Variants in ANAPC10 observed in about 807,000 individuals in gnomAD.
The protein encoded by ANAPC10 is anaphase-promoting complex subunit 10.
ANAPC10 carries 12 observed loss-of-function variants against 22.0 expected under a neutral mutation model. That is an observed-to-expected ratio of 0.55 (90% CI 0.35 to 0.88). The LOEUF (loss-of-function observed/expected upper bound fraction) is 0.88. Among genes scored for constraint, ANAPC10 ranks in the 40% least tolerant of loss-of-function variants. The pLI is 0.01. For missense variants in ANAPC10, 188 were observed against 220.9 expected, an observed-to-expected ratio of 0.85 and a Z score of 0.94; for synonymous variants, 65 against 69.5, an observed-to-expected ratio of 0.94 and a Z score of 0.32.
In ANAPC10 at chr4:144,995,214, T is replaced by C. The variant is rs781517806; in HGVS notation, c.*159A>G. The C allele has an allele frequency of 1.3e-5, 6 of 451,258 alleles. No individual in the cohort carries two copies. The highest frequency in any genetic ancestry group is 2.3e-5 in the Non-Finnish European group (6 of 261,846). 28.0% of individuals were successfully genotyped at this position (451,258 alleles called of 1,614,324 possible). ...TACATGTTAAAGAAAATAAAGATAA[T>C]ATGACCCCAAATTTATTTGTCAAAG... On this transcript the variant is annotated 3_prime_UTR_variant, in exon 5 of 5. Coordinates refer to ENST00000507656, the MANE Select transcript of ANAPC10 (RefSeq NM_001256706.2).
intron 4 of ANAPC10, among the ~76,000 whole-genome samples, chr4:145,015,856 A>C (rs1421516077): frequency 2.0e-5 from 3 of 152,198 alleles, no homozygotes; most frequent in Non-Finnish European, 2.9e-5. Context: ...TATGAAGGAA[A>C]GATACAGTGT....
chr4:145,084,469 G>C (rs1409922810), intron 2 of ANAPC10, among the ~76,000 whole-genome samples: 1 of 152,104 alleles, frequency 6.6e-6, no homozygotes, highest in Admixed American at 6.5e-5. Context: ...AAAGGAGCCA[G>C]ATCACACAGA....
chr4:145,077,109 G>C (rs1357673465), intron 3 of ANAPC10, among the ~76,000 whole-genome samples: 1 of 152,196 alleles, frequency 6.6e-6, no homozygotes, highest in Non-Finnish European at 1.5e-5. Flanking sequence ...TGAGGCAGGA[G>C]AATGGCGTGA....
At chr4:145,036,813 C>T (rs1485501332) in intron 4 of ANAPC10, among the ~76,000 whole-genome samples, 1 of 152,048 alleles carries the variant, frequency 6.6e-6, no homozygotes, top group African/African-American at 2.4e-5. Flanking sequence ...TAAACTACTT[C>T]GAGTTCAAAA....
chr4:145,055,882 T>C (rs1741993506), intron 4 of ANAPC10, among the ~76,000 whole-genome samples: 1 of 152,286 alleles, frequency 6.6e-6, no homozygotes, highest in South Asian at 2.1e-4. Context: ...ACTAACTACA[T>C]AAAAAATGGT....
intron 4 of ANAPC10, among the ~76,000 whole-genome samples, chr4:145,015,655 A>G (rs933694558): frequency 1.1e-4 from 16 of 152,190 alleles, no homozygotes; most frequent in Admixed American, 2.0e-4. Context: ...TGTAAAGTTA[A>G]GACAAAGGAA....
intron 2 of ANAPC10, among the ~76,000 whole-genome samples, chr4:145,081,991 T>C (rs1388671483): frequency 6.6e-6 from 1 of 152,118 alleles, no homozygotes; most frequent in East Asian, 1.9e-4. Context: ...ATTACAGGCA[T>C]AAGCCATAGC....
At position 145,072,898 on chromosome 4, in the gene ANAPC10, GT is replaced by G. The variant is rs142772988; in HGVS notation, c.207-8207del. Among the ~76,000 whole-genome samples, 893 of 136,338 alleles carry G rather than the reference GT, an allele frequency of 6.5e-3. 1 individual carries two copies. Among genetic ancestry groups the G allele is most frequent in the Non-Finnish European group, 7.1e-3 (443 of 62,246 alleles). 89.4% of individuals were successfully genotyped at this position (136,338 alleles called of 152,430 possible). On this transcript the variant is annotated intron_variant, in intron 3 of 4. Transcript: ENST00000507656. ...TAAGCCTAGTATCTATTACGTATCT[GT>G]TTTTTTTTTTTTTTAGGAGACAGGG...
intron 2 of ANAPC10, among the ~76,000 whole-genome samples, chr4:145,087,547 A>G (rs1307298193): frequency 6.6e-6 from 1 of 151,434 alleles, no homozygotes; most frequent in Non-Finnish European, 1.5e-5. Context: ...GTTCATCCAT[A>G]TCATGCACTA....
chr4:145,029,428 AGT>A (rs1737221854), intron 4 of ANAPC10, among the ~76,000 whole-genome samples: 1 of 152,142 alleles, frequency 6.6e-6, no homozygotes, highest in African/African-American at 2.4e-5. Context: ...TGAAGTTGAG[AGT>A]GTGATCCATG....
intron 4 of ANAPC10, among the ~76,000 whole-genome samples, chr4:145,048,045 C>T (rs1444241879): frequency 6.6e-6 from 1 of 152,132 alleles, no homozygotes; most frequent in Non-Finnish European, 1.5e-5. Flanking sequence ...ATTATCTTCT[C>T]TAAGATCACA....
At chr4:145,077,632 G>C (rs557813892) in intron 3 of ANAPC10, among the ~76,000 whole-genome samples, 41 of 152,136 alleles carry the variant, frequency 2.7e-4, no homozygotes, top group Non-Finnish European at 4.6e-4. Flanking sequence ...TAACATACTA[G>C]CAAACTGAAA....
chr4:145,079,558 A>T (rs1487734187), intron 3 of ANAPC10, among the ~76,000 whole-genome samples: 1 of 152,220 alleles, frequency 6.6e-6, no homozygotes. Flanking sequence ...AAATCATTTC[A>T]CCATAAGACA....
At chr4:145,071,722 G>C (rs913183877) in intron 3 of ANAPC10, among the ~76,000 whole-genome samples, 7 of 152,040 alleles carry the variant, frequency 4.6e-5, no homozygotes, top group Non-Finnish European at 8.8e-5. Flanking sequence ...CAGGAAGCTG[G>C]AGGTACTACC....
At chr4:145,045,923 T>C (rs1345250095) in intron 4 of ANAPC10, among the ~76,000 whole-genome samples, 1 of 152,156 alleles carries the variant, frequency 6.6e-6, no homozygotes, top group Non-Finnish European at 1.5e-5. Context: ...TCTGATCTAA[T>C]AAGCCAACTT....
chr4:145,030,041 G>C (rs1258920405), intron 4 of ANAPC10, among the ~76,000 whole-genome samples: 1 of 152,172 alleles, frequency 6.6e-6, no homozygotes, highest in South Asian at 2.1e-4. Flanking sequence ...AGGCAAGGTA[G>C]GCATAGCTAC....
chr4:145,082,004 C>A (rs1053032229), intron 2 of ANAPC10, among the ~76,000 whole-genome samples: 1 of 152,066 alleles, frequency 6.6e-6, no homozygotes, highest in East Asian at 1.9e-4. Flanking sequence ...GCCATAGCAC[C>A]CAGCTGTGAA....
intron 4 of ANAPC10, among the ~76,000 whole-genome samples, chr4:145,045,603 A>G (rs1740177297): frequency 6.6e-6 from 1 of 152,156 alleles, no homozygotes; most frequent in Non-Finnish European, 1.5e-5. Flanking sequence ...TTACTAAGAT[A>G]CAATACTCCA....
At chr4:145,008,673 T>C (rs1463146042) in intron 4 of ANAPC10, among the ~76,000 whole-genome samples, 1 of 152,178 alleles carries the variant, frequency 6.6e-6, no homozygotes, top group African/African-American at 2.4e-5. Flanking sequence ...AAACTAGGAA[T>C]TGATGGGACG....
Sources: allele counts gnomAD v4.1 joint callset (sites outside exome capture counted in the v4.1 genomes callset), GRCh38; gene constraint gnomAD v4.1.1; transcripts MANE v1.5; gene names NCBI Gene and HGNC (gene_info 2026-07-23, HGNC 2026-07-21).